Variants in ANKH observed in about 807,000 individuals in gnomAD.
The protein encoded by ANKH is mineralization regulator ANKH.
In ANKH, 15 loss-of-function variants were observed where a neutral mutation model predicts 49.0. The observed-to-expected ratio is 0.31, with a 90% CI of 0.20 to 0.47. ANKH has a LOEUF of 0.47. Ranked by LOEUF, ANKH falls within the 20% of genes least tolerant of loss-of-function variation. ANKH has a pLI of 1.00. For missense variants in ANKH, 429 were observed against 652.0 expected (o/e 0.66, Z 3.72); for synonymous variants, 273 against 260.0 (o/e 1.05, Z -0.48).
rs1736971435 is a variant in ANKH, at chr5:14,707,154, T to G, written c.*4043A>C. Reference sequence around the variant, plus strand: ...TGGTACTAACCGGCACATGCTGTCCTGGGCACTGTTCTGCTGGGAGTTACT... The same window carrying G: ...TGGTACTAACCGGCACATGCTGTCCGGGGCACTGTTCTGCTGGGAGTTACT... On this transcript the variant is annotated 3_prime_UTR_variant, in exon 12 of 12. Transcript: ENST00000284268. The G allele has an allele frequency of 1.3e-5, 2 of 152,252 alleles. No individual in the cohort carries two copies. The allele number at this position is 152,252 out of a possible 1,614,324, so 9.4% of individuals were successfully genotyped here.
At chr5:14,711,655 C>T (rs1000179551) in intron 11 of ANKH, among the ~76,000 whole-genome samples, 1 of 152,192 alleles carries the variant, frequency 6.6e-6, no homozygotes, top group Non-Finnish European at 1.5e-5. Flanking sequence ...CTTCTCCTTC[C>T]TCCTCCCTAA....
chr5:14,752,776 C>A (rs1017194018), intron 4 of ANKH, among the ~76,000 whole-genome samples: 2 of 151,990 alleles, frequency 1.3e-5, no homozygotes, highest in Non-Finnish European at 2.9e-5. Flanking sequence ...CTGCCTGCTG[C>A]GTTTAATGGC....
chr5:14,773,618 C>G (rs1739519026), intron 1 of ANKH, among the ~76,000 whole-genome samples: 1 of 152,178 alleles, frequency 6.6e-6, no homozygotes, highest in Non-Finnish European at 1.5e-5. Flanking sequence ...GAATCTGCTT[C>G]TATCACTTAA....
At position 14,768,960 on chromosome 5, in the gene ANKH, G is replaced by A. The variant is rs750699397; in HGVS notation, c.313+15C>T. The A allele has an allele frequency of 9.9e-6, 16 of 1,612,950 alleles. No individual in the cohort carries two copies. Among genetic ancestry groups the A allele is most frequent in the African/African-American group, 6.7e-5 (5 of 74,922 alleles). ...TGCCAAAGCTAGATTCGTCAGTGGC[G>A]GTCGGCGGCCTCACCTATCAGTGTG... is the stretch of plus-strand genomic sequence containing the variant. On this transcript the variant is annotated intron_variant, in intron 2 of 11. Transcript: ENST00000284268.
At chr5:14,836,654 G>A (rs1276452330) in intron 1 of ANKH, among the ~76,000 whole-genome samples, 1 of 152,140 alleles carries the variant, frequency 6.6e-6, no homozygotes, top group African/African-American at 2.4e-5. Flanking sequence ...CCATGCTCAT[G>A]GATAGGAAGA....
Position 14,770,329 on chromosome 5 carries a change from C to A in ANKH, c.97-1138G>T, listed in dbSNP as rs549096046. On this transcript the variant is annotated intron_variant, in intron 1 of 11. Transcript: ENST00000284268. This position sits in a 1 kb window ranked among gnomAD's most constrained non-coding sequence, Gnocchi z 4.1. ...GGACACATCATTATTACTCAAAGAC[C>A]AGACAGTAGTCCCCCCTTATCCTTA... 1.3e-5 allele frequency among the ~76,000 whole-genome samples: 2 copies of A among 152,086 alleles called. No individual in the cohort carries two copies. Among genetic ancestry groups the A allele is most frequent in the Non-Finnish European group, 2.9e-5 (2 of 68,026 alleles).
chr5:14,836,033 T>C (rs536611732), intron 1 of ANKH, among the ~76,000 whole-genome samples: 3 of 152,210 alleles, frequency 2.0e-5, no homozygotes, highest in Non-Finnish European at 2.9e-5. Flanking sequence ...ATTATCTCCA[T>C]AGCTGCAGAA....
intron 1 of ANKH, among the ~76,000 whole-genome samples, chr5:14,775,026 T>A (rs1297773819): frequency 1.3e-5 from 2 of 151,370 alleles, no homozygotes; most frequent in Non-Finnish European, 2.9e-5. Context: ...ATATACTATG[T>A]TTTTTCCTAT....
chr5:14,711,390 C>G, intron 11 of ANKH, 80 bp from the exon 12 acceptor site: 2 of 1,292,234 alleles, frequency 1.5e-6, no homozygotes, highest in Non-Finnish European at 2.2e-6. Flanking sequence ...GAGACAACAC[C>G]GGGGTCTTGG....
chr5:14,708,440 C>T lies in ANKH; in HGVS notation c.*2757G>A, dbSNP rs892292695. 3 of 152,142 alleles carry T rather than the reference C, an allele frequency of 2.0e-5. No homozygotes were observed. The highest frequency in any genetic ancestry group is 1.3e-4 in the Admixed American group (2 of 15,276). The allele number at this position is 152,142 out of a possible 1,614,324, so 9.4% of individuals were successfully genotyped here. A position where few individuals can be genotyped will look rare whatever the true frequency, so the allele number is the denominator to read the frequency against. ...ATGCAGCTGTCAGCTGAATGCCCTA[C>T]AATGAAAAATAAATGTTTTGGGGGA... On this transcript the variant is annotated 3_prime_UTR_variant, in exon 12 of 12. Coordinates refer to ENST00000284268, the MANE Select transcript of ANKH (RefSeq NM_054027.6).
At chr5:14,741,670 C>A (rs1206613147) in intron 8 of ANKH, 157 bp downstream of exon 8, 6 of 644,282 alleles carry the variant, frequency 9.3e-6, no homozygotes, top group African/African-American at 1.8e-5. Flanking sequence ...GAATAACAAT[C>A]GTTCACATTT....
chr5:14,813,217 G>T (rs1018688924), intron 1 of ANKH, among the ~76,000 whole-genome samples: 1 of 151,054 alleles, frequency 6.6e-6, no homozygotes, highest in East Asian at 2.0e-4. Flanking sequence ...CCTCAGCCTG[G>T]GCAATAGAGA....
At chr5:14,805,450 T>C (rs1308472098) in intron 1 of ANKH, among the ~76,000 whole-genome samples, 114 of 79,988 alleles carry the variant, frequency 1.4e-3, no homozygotes, top group African/African-American at 5.5e-3. Context: ...TGTGTGTGTA[T>C]ATATATATGT....
At chr5:14,753,193 G>A (rs1738775720) in intron 4 of ANKH, among the ~76,000 whole-genome samples, 1 of 152,104 alleles carries the variant, frequency 6.6e-6, no homozygotes, top group Non-Finnish European at 1.5e-5. Flanking sequence ...TGACGAATTT[G>A]GTTGCTGCAG....
rs1469996554 is a variant in ANKH at position 14,710,906 on chromosome 5, C to T, written c.*291G>A. 1.5e-5 allele frequency: 6 copies of T among 408,780 alleles called. No homozygotes were observed. Among genetic ancestry groups the T allele is most frequent in the South Asian group, 6.3e-5 (3 of 47,440 alleles). 25.3% of individuals were successfully genotyped at this position (408,780 alleles called of 1,614,324 possible). On this transcript the variant is annotated 3_prime_UTR_variant, in exon 12 of 12. Coordinates refer to ENST00000284268, the MANE Select transcript of ANKH (RefSeq NM_054027.6). ...GATTGTCCAGGGGAGGAGGACACAA[C>T]GTCAACCGTGAGGCAGCTGTGTCTT... is the stretch of plus-strand genomic sequence containing the variant.
intron 1 of ANKH, chr5:14,797,707 C>A (rs1438020062): frequency 1.2e-6 from 2 of 1,603,212 alleles, no homozygotes; most frequent in East Asian, 4.5e-5. Flanking sequence ...CAGGAAACAT[C>A]TTCTACTATT....
intron 1 of ANKH, among the ~76,000 whole-genome samples, chr5:14,835,829 G>T (rs1277072957): frequency 2.0e-5 from 3 of 152,132 alleles, no homozygotes; most frequent in African/African-American, 7.2e-5. Flanking sequence ...GAGAATTTTA[G>T]ACCAATATCC....
At position 14,737,458 on chromosome 5, in the gene ANKH, G is replaced by A. The variant is rs1269226059; in HGVS notation, c.1011+4369C>T. ...GCTGCCTCAGCCTGTGGCTCCAGGA[G>A]TGTCTACCTAGAGAAGCACAGCCTT... is the stretch of plus-strand genomic sequence containing the variant. On this transcript the variant is annotated intron_variant, in intron 8 of 11. Transcript: ENST00000284268. This position sits in a 1 kb window ranked among gnomAD's most constrained non-coding sequence, Gnocchi z 5.0. Among the ~76,000 whole-genome samples the A allele has an allele frequency of 6.6e-6, 1 of 152,202 alleles. No individual in the cohort carries two copies. The highest frequency in any genetic ancestry group is 2.4e-5 in the African/African-American group (1 of 41,452).
chr5:14,799,757 G>A (rs547946803), intron 1 of ANKH, among the ~76,000 whole-genome samples: 1 of 152,278 alleles, frequency 6.6e-6, no homozygotes, highest in South Asian at 2.1e-4. Flanking sequence ...CCTGGTCACC[G>A]AAGAGCTCTG....
Sources: gnomAD v4.1 joint callset for allele counts (sites outside exome capture counted in the v4.1 genomes callset) on GRCh38, gnomAD v4.1.1 for gene constraint, Gnocchi (gnomAD v3.1) non-coding constraint, MANE v1.5 for transcripts, NCBI Gene and HGNC (gene_info 2026-07-23, HGNC 2026-07-21) for gene names.